Variants in MTSS1 observed in about 807,000 individuals in gnomAD.
MTSS1 encodes the protein MTSS I-BAR domain containing 1.
Under a neutral mutation model 79.0 loss-of-function variants are expected in MTSS1, and 18 were observed. The observed-to-expected ratio is 0.23, with a 90% CI of 0.16 to 0.34. MTSS1 has a LOEUF of 0.34. Among genes scored for constraint, MTSS1 ranks in the 10% least tolerant of loss-of-function variants. The pLI is 1.00. For synonymous variants in MTSS1, 341 were observed against 368.6 expected, an observed-to-expected ratio of 0.93 and a Z score of 0.86; for missense variants, 815 against 986.2, an observed-to-expected ratio of 0.83 and a Z score of 2.33.
At chr8:124,649,957 A>G (rs2134150738) in intron 3 of MTSS1, among the ~76,000 whole-genome samples, 1 of 151,952 alleles carries the variant, frequency 6.6e-6, no homozygotes, top group African/African-American at 2.4e-5. Flanking sequence ...TCCTTTTAAC[A>G]GACAGCAATT....
chr8:124,719,866 C>T (rs529258347), intron 1 of MTSS1, among the ~76,000 whole-genome samples: 21 of 152,260 alleles, frequency 1.4e-4, no homozygotes, highest in African/African-American at 5.1e-4. Flanking sequence ...TAATACTCAA[C>T]AACTTTAAGA....
At chr8:124,628,158 C>T (rs1027251549) in intron 3 of MTSS1, among the ~76,000 whole-genome samples, 1 of 152,106 alleles carries the variant, frequency 6.6e-6, no homozygotes, top group African/African-American at 2.4e-5. Context: ...CAGAGGGAGA[C>T]CCTGTCTCAA....
chr8:124,715,610 G>T (rs1394075466), intron 1 of MTSS1, among the ~76,000 whole-genome samples: 1 of 152,274 alleles, frequency 6.6e-6, no homozygotes, highest in African/African-American at 2.4e-5. Context: ...TGCTAGGAAC[G>T]ATGCCCTGGT....
At chr8:124,701,795 G>A (rs1829745821) in intron 2 of MTSS1, among the ~76,000 whole-genome samples, 2 of 152,198 alleles carry the variant, frequency 1.3e-5, no homozygotes, top group Non-Finnish European at 2.9e-5. Context: ...ATGGGGCAGA[G>A]CAAACTTGTA....
chr8:124,651,805 C>T (rs1405652215), intron 3 of MTSS1, among the ~76,000 whole-genome samples: 1 of 152,154 alleles, frequency 6.6e-6, no homozygotes, highest in Non-Finnish European at 1.5e-5. Context: ...CCAGTGACAT[C>T]CTGTTTTTGC....
rs766030308 is a variant in MTSS1 at position 124,553,091 on chromosome 8, C to T, written c.2169G>A (p.Arg723=). ...PESDPADLSP[R]DTPQGEDMLN... Reference sequence around the variant, plus strand: ...GCATGTCTTCTCCTTGTGGAGTATCCCTTGGGCTCAGGTCTGCAGGGTCAC... The same window carrying T: ...GCATGTCTTCTCCTTGTGGAGTATCTCTTGGGCTCAGGTCTGCAGGGTCAC... Residue 723 remains arginine, a synonymous_variant, in exon 14 of 14, where the codon AGG becomes AGA. Transcript: ENST00000518547. This position sits in a 1 kb window ranked among gnomAD's most constrained non-coding sequence, Gnocchi z 6.0. The T allele has an allele frequency of 1.2e-6, 2 of 1,613,928 alleles. No homozygotes were observed. The highest frequency in any genetic ancestry group is 1.3e-5 in the African/African-American group (1 of 74,862).
At chr8:124,703,192 A>G (rs1829940907) in intron 2 of MTSS1, among the ~76,000 whole-genome samples, 1 of 152,178 alleles carries the variant, frequency 6.6e-6, no homozygotes, top group Non-Finnish European at 1.5e-5. Context: ...CCTATCCCCA[A>G]GCAACCAATG....
At chr8:124,700,054 G>T (rs902153974) in intron 2 of MTSS1, among the ~76,000 whole-genome samples, 2 of 151,874 alleles carry the variant, frequency 1.3e-5, no homozygotes, top group Non-Finnish European at 2.9e-5. Context: ...CAGAAGAATC[G>T]CTTGAGACCA....
intron 3 of MTSS1, among the ~76,000 whole-genome samples, chr8:124,676,019 G>A (rs1404901432): frequency 6.6e-6 from 1 of 152,130 alleles, no homozygotes; most frequent in Non-Finnish European, 1.5e-5. Context: ...GGTAGACCCT[G>A]GTCATATGAA....
intron 1 of MTSS1, among the ~76,000 whole-genome samples, chr8:124,721,411 A>AT (rs71289689): frequency 0.031 from 3,962 of 127,118 alleles, 267 homozygotes; most frequent in African/African-American, 0.11. Context: ...TTTAACTCTA[A>AT]TTTTTTTTTT....
At chr8:124,670,817 T>C (rs1824025787) in intron 3 of MTSS1, among the ~76,000 whole-genome samples, 1 of 152,102 alleles carries the variant, frequency 6.6e-6, no homozygotes. Flanking sequence ...AGACCGCAGA[T>C]TAAAAGAGGT....
At chr8:124,694,548 T>C (rs567120825) in intron 3 of MTSS1, among the ~76,000 whole-genome samples, 2 of 152,270 alleles carry the variant, frequency 1.3e-5, no homozygotes, top group Admixed American at 6.5e-5. Context: ...CTAGGCTTTA[T>C]TGAATGTGTA....
rs926393818 is a variant in MTSS1, at chr8:124,551,826, T to C, written c.*1166A>G. 5.2e-5 allele frequency: 8 copies of C among 152,608 alleles called. No homozygotes were observed. Among genetic ancestry groups the C allele is most frequent in the African/African-American group, 1.9e-4 (8 of 41,452 alleles). The allele number at this position is 152,608 out of a possible 1,614,324, so 9.5% of individuals were successfully genotyped here. ...AATAAACAAATCCTCCTCTCTTCAA[T>C]GTTTACTGTAAAGCCAGTTAACTGC... On this transcript the variant is annotated 3_prime_UTR_variant, in exon 14 of 14. Coordinates refer to ENST00000518547, the MANE Select transcript of MTSS1 (RefSeq NM_014751.6).
chr8:124,594,356 C>A (rs1280409582), intron 3 of MTSS1, among the ~76,000 whole-genome samples: 2 of 152,084 alleles, frequency 1.3e-5, no homozygotes, highest in African/African-American at 4.8e-5. Flanking sequence ...CATGATGAAA[C>A]CTCATCTCTA....
chr8:124,649,766 T>C (rs1387877816), intron 3 of MTSS1, among the ~76,000 whole-genome samples: 3 of 152,080 alleles, frequency 2.0e-5, no homozygotes, highest in East Asian at 1.9e-4. Flanking sequence ...CGCAAGGCTC[T>C]CTCTGTGTTG....
intron 1 of MTSS1, among the ~76,000 whole-genome samples, chr8:124,721,349 T>C (rs1000871085): frequency 2.6e-5 from 4 of 151,714 alleles, no homozygotes; most frequent in Non-Finnish European, 4.4e-5. Context: ...CAAAGTATTC[T>C]AAAATCCTTT....
At chr8:124,557,300 G>A (rs1313307894) in intron 11 of MTSS1, among the ~76,000 whole-genome samples, 2 of 152,146 alleles carry the variant, frequency 1.3e-5, no homozygotes, top group Non-Finnish European at 2.9e-5. Context: ...CCCCCTAGAA[G>A]CTCTGATCAT....
In MTSS1 at chr8:124,553,048, CCCTTCGG is replaced by C. The variant is rs755007818; in HGVS notation, c.2205_2211del (p.Ile735MetfsTer3). On this transcript the variant is annotated frameshift_variant, in exon 14 of 14. Coordinates refer to ENST00000518547, the MANE Select transcript of MTSS1 (RefSeq NM_014751.6). LOFTEE classifies it high-confidence loss of function. The surrounding 1 kb of genome is among the most constrained non-coding windows in gnomAD (Gnocchi z 6.0). ...GTCGTGGTCTTCTTCAGTTTCACGC[CCCTTCGG>C]ATGGCGTTCAGCATGTCTTCTCCTT... 6.2e-7 allele frequency: 1 copy of C among 1,613,976 alleles called. No homozygotes were observed. The highest frequency in any genetic ancestry group is 8.5e-7 in the Non-Finnish European group (1 of 1,180,026).
At position 124,556,233 on chromosome 8, in the gene MTSS1, C is replaced by T; in HGVS notation, c.1403G>A (p.Arg468Lys). The T allele has an allele frequency of 6.2e-7, 1 of 1,614,226 alleles. No individual in the cohort carries two copies. Among genetic ancestry groups the T allele is most frequent in the Non-Finnish European group, 8.5e-7 (1 of 1,180,038 alleles). ...AGCTACTGAGAACAAGAGCATCACCCTGGTGGCAGCCGATACAGTCATGCT... is the reference window on the plus strand; with the variant it reads ...AGCTACTGAGAACAAGAGCATCACCTTGGTGGCAGCCGATACAGTCATGCT... ...PRSMTVSAAT[R>K]PGEEMEACEE... The change falls in exon 12 of 14, where the codon AGG becomes AAG. Residue 468 changes from arginine to lysine, a missense_variant and splice_region_variant. Coordinates refer to ENST00000518547, the MANE Select transcript of MTSS1 (RefSeq NM_014751.6).
Sources: allele counts gnomAD v4.1 joint callset (sites outside exome capture counted in the v4.1 genomes callset), GRCh38; gene constraint gnomAD v4.1.1; non-coding constraint Gnocchi (gnomAD v3.1); transcripts MANE v1.5; gene names NCBI Gene and HGNC (gene_info 2026-07-23, HGNC 2026-07-21).